Variants in POLI observed in about 807,000 individuals in gnomAD.
POLI encodes the protein RAD30 homolog B.
A neutral mutation model predicts 51.6 loss-of-function variants in POLI; 58 were observed. The observed-to-expected ratio is 1.12, with a 90% CI of 0.91 to 1.40. The LOEUF is 1.40. POLI is among the 40% of genes most tolerant of loss of function. The pLI is 0.00. For synonymous variants in POLI, 322 were observed against 299.7 expected, an observed-to-expected ratio of 1.07 and a Z score of -0.77; for missense variants, 921 against 871.3, an observed-to-expected ratio of 1.06 and a Z score of -0.72.
rs965434767 is a variant in POLI at position 54,296,034 on chromosome 18, AG to A, written c.*1568del. ...GAGGTTATCAGGAACAGTAACTTGAAGCAAGAACATCAGAAATTGTTCACCA... is the reference window on the plus strand; with the variant it reads ...GAGGTTATCAGGAACAGTAACTTGAACAAGAACATCAGAAATTGTTCACCA... On this transcript the variant is annotated 3_prime_UTR_variant, in exon 10 of 10. Coordinates refer to ENST00000579534, the MANE Select transcript of POLI (RefSeq NM_007195.3). 1 of 985,026 alleles carries A rather than the reference AG, an allele frequency of 1.0e-6. No individual in the cohort carries two copies. The highest frequency in any genetic ancestry group is 1.7e-5 in the African/African-American group (1 of 57,248). The allele number at this position is 985,026 out of a possible 1,614,324, so 61.0% of individuals were successfully genotyped here.
intron 4 of POLI, among the ~76,000 whole-genome samples, chr18:54,320,883 A>G (rs759908240): frequency 1.3e-5 from 2 of 152,080 alleles, no homozygotes; most frequent in Non-Finnish European, 2.9e-5. Flanking sequence ...ATACATAATA[A>G]TAATACCATA....
chr18:54,290,667 A>G (rs947452811), intron 8 of POLI, among the ~76,000 whole-genome samples: 2 of 152,188 alleles, frequency 1.3e-5, no homozygotes, highest in African/African-American at 2.4e-5. Flanking sequence ...GGATGAGTTC[A>G]TGTCCTTTGC....
At chr18:54,301,454 T>C (rs2088489633), downstream of POLI, among the ~76,000 whole-genome samples, 1 of 152,184 alleles carries the variant, frequency 6.6e-6, no homozygotes, top group South Asian at 2.1e-4. Flanking sequence ...TTCCCTGACT[T>C]ACAATAGTTC....
At position 54,277,791 on chromosome 18, in the gene POLI, A is replaced by G; in HGVS notation, c.495A>G (p.Leu165=). ...VDLTEMVEKR[L]QQLQSDELSA... is the part of the protein sequence containing the mutation. Reference sequence around the variant, plus strand: ...TAACAGAAATGGTTGAGAAGAGACTACAGCAGCTGCAAAGTGATGAACTTT... The same window carrying G: ...TAACAGAAATGGTTGAGAAGAGACTGCAGCAGCTGCAAAGTGATGAACTTT... The change falls in exon 4 of 10, where the codon CTA becomes CTG. Residue 165 remains leucine (L), a synonymous_variant. Coordinates refer to ENST00000579534, the MANE Select transcript of POLI (RefSeq NM_007195.3). 1 of 1,612,872 alleles carries G rather than the reference A, an allele frequency of 6.2e-7. No homozygotes were observed. The highest frequency in any genetic ancestry group is 8.5e-7 in the Non-Finnish European group (1 of 1,179,112).
intron 8 of POLI, among the ~76,000 whole-genome samples, chr18:54,290,539 T>C (rs1015988109): frequency 1.3e-5 from 2 of 152,248 alleles, no homozygotes; most frequent in African/African-American, 2.4e-5. Flanking sequence ...CGTATGTTTA[T>C]TGTGGCACTA....
intron 5 of POLI, among the ~76,000 whole-genome samples, chr18:54,282,098 G>T (rs542712984): frequency 5.9e-5 from 9 of 152,132 alleles, no homozygotes; most frequent in African/African-American, 2.2e-4. Flanking sequence ...TATGACTTAT[G>T]GATAAATGTG....
At chr18:54,284,159 G>A in intron 7 of POLI, 146 bp downstream of exon 7, 1 of 495,468 alleles carries the variant, frequency 2.0e-6, no homozygotes, top group Admixed American at 3.9e-5. Flanking sequence ...GGATTTCTCT[G>A]CTTTATAAAC....
chr18:54,307,099 C>T (rs898928753), intron 3 of POLI, among the ~76,000 whole-genome samples: 1 of 152,102 alleles, frequency 6.6e-6, no homozygotes, highest in Non-Finnish European at 1.5e-5. Context: ...TTCAGTTCTG[C>T]TCTCATCTTA....
rs1456286731 is a variant in POLI at position 54,294,287 on chromosome 18, A to G, written c.2043A>G (p.Val681=). The change falls in exon 10 of 10, where the codon GTA becomes GTG. Residue 681 remains valine (V), a synonymous_variant. Transcript: ENST00000579534. ...NHTTDSHKQT[V]ATDSHEGLTE... is the part of the protein sequence containing the mutation. ...CTACAGATAGCCATAAGCAAACAGTAGCAACAGACTCTCATGAAGGACTTA... is the reference window on the plus strand; with the variant it reads ...CTACAGATAGCCATAAGCAAACAGTGGCAACAGACTCTCATGAAGGACTTA... 1 of 1,613,724 alleles carries G rather than the reference A, an allele frequency of 6.2e-7. No homozygotes were observed. Among genetic ancestry groups the G allele is most frequent in the South Asian group, 1.1e-5 (1 of 91,078 alleles).
intron 3 of POLI, among the ~76,000 whole-genome samples, chr18:54,319,426 T>C (rs1055427843): frequency 2.0e-5 from 3 of 152,178 alleles, no homozygotes; most frequent in African/African-American, 7.2e-5. Flanking sequence ...GTCTTGATAA[T>C]TTCTCGATAA....
At chr18:54,269,939 G>C in intron 1 of POLI, 14 of 1,189,642 alleles carry the variant, frequency 1.2e-5, no homozygotes, top group Non-Finnish European at 1.5e-5. Context: ...GAGGTGGGGC[G>C]GGAATCCCTC....
In POLI at chr18:54,271,523, A is replaced by G. The variant is rs1397209569; in HGVS notation, c.241+38A>G. The G allele has an allele frequency of 2.2e-6, 3 of 1,371,586 alleles. No homozygotes were observed. The African/African-American group carries it at 4.4e-5, about 20-fold the overall frequency. The allele number at this position is 1,371,586 out of a possible 1,614,324, so 85.0% of individuals were successfully genotyped here. A position where few individuals can be genotyped will look rare whatever the true frequency, so the allele number is the denominator to read the frequency against. On this transcript the variant is annotated intron_variant, in intron 2 of 9. Transcript: ENST00000579534. ...TTATAATATTTTTAATTGCATAATGATTAGATTAGCAACTCATCATGCTCA... is the reference window on the plus strand; with the variant it reads ...TTATAATATTTTTAATTGCATAATGGTTAGATTAGCAACTCATCATGCTCA...
At chr18:54,276,594 T>A (rs1163581277) in intron 3 of POLI, among the ~76,000 whole-genome samples, 1 of 152,228 alleles carries the variant, frequency 6.6e-6, no homozygotes, top group Non-Finnish European at 1.5e-5. Flanking sequence ...CTTTTGAAAA[T>A]AAATTGCCGA....
Position 54,296,227 on chromosome 18 carries a change from G to T in POLI, c.*1760G>T. ...CCTTGGACAGCTAGAAGGGGCTTAAGAAAAAATGGCTAAGAAAACAAAGTA... is the reference window on the plus strand; with the variant it reads ...CCTTGGACAGCTAGAAGGGGCTTAATAAAAAATGGCTAAGAAAACAAAGTA... On this transcript the variant is annotated 3_prime_UTR_variant, in exon 10 of 10. Coordinates refer to ENST00000579534, the MANE Select transcript of POLI (RefSeq NM_007195.3). 1.0e-6 allele frequency: 1 copy of T among 985,282 alleles called. No individual in the cohort carries two copies. Among genetic ancestry groups the T allele is most frequent in the Admixed American group, 6.1e-5 (1 of 16,268 alleles). 61.0% of individuals were successfully genotyped at this position (985,282 alleles called of 1,614,324 possible).
At chr18:54,279,958 A>G (rs776200747) in intron 4 of POLI, among the ~76,000 whole-genome samples, 1 of 152,170 alleles carries the variant, frequency 6.6e-6, no homozygotes, top group Non-Finnish European at 1.5e-5. Flanking sequence ...TGCCAATGTC[A>G]GTAGGAATTT....
rs918679690 is a variant in POLI, at chr18:54,295,688, C to T, written c.*1221C>T. Reference sequence around the variant, plus strand: ...TGTCGCCCAGGGTGGAGTACAGTGGCGCAATCCCAGCTCACTACAACCTCC... The same window carrying T: ...TGTCGCCCAGGGTGGAGTACAGTGGTGCAATCCCAGCTCACTACAACCTCC... On this transcript the variant is annotated 3_prime_UTR_variant, in exon 10 of 10. Transcript: ENST00000579534. 2.6e-5 allele frequency: 7 copies of T among 272,156 alleles called. No individual in the cohort carries two copies. Among genetic ancestry groups the T allele is most frequent in the Non-Finnish European group, 2.8e-5 (5 of 178,260 alleles). The allele number at this position is 272,156 out of a possible 1,614,324, so 16.9% of individuals were successfully genotyped here.
At chr18:54,270,125 C>T (rs2086937698) in intron 1 of POLI, 2 of 725,690 alleles carry the variant, frequency 2.8e-6, no homozygotes, top group Non-Finnish European at 3.4e-6. Context: ...TGACCCACTT[C>T]CAGCTCTGGT....
In POLI at chr18:54,294,478, CA is replaced by C. The variant is rs1442869205; in HGVS notation, c.*16del. ...ATTGGACATAAATAAGCATATTCAG[CA>C]AAAAGGTCTGAAAAGCAAGGGAATA... On this transcript the variant is annotated 3_prime_UTR_variant, in exon 10 of 10. Transcript: ENST00000579534. 1.3e-6 allele frequency: 2 copies of C among 1,564,410 alleles called. No homozygotes were observed. The highest frequency in any genetic ancestry group is 2.2e-5 in the East Asian group (1 of 44,456).
At chr18:54,308,468 C>T (rs1252778118) in intron 3 of POLI, among the ~76,000 whole-genome samples, 1 of 152,216 alleles carries the variant, frequency 6.6e-6, no homozygotes. Context: ...GTCTGATGGG[C>T]TTCCCTTTGT....
Sources: gnomAD v4.1 joint callset for allele counts (sites outside exome capture counted in the v4.1 genomes callset) on GRCh38, gnomAD v4.1.1 for gene constraint, MANE v1.5 for transcripts, NCBI Gene and HGNC (gene_info 2026-07-23, HGNC 2026-07-21) for gene names.